Variants in AK9 observed in about 807,000 individuals in gnomAD.
AK9 encodes adenylate kinase 9.
A neutral mutation model predicts 239.6 loss-of-function variants in AK9; 191 were observed. The ratio of observed to expected loss-of-function variants is 0.80; its 90% CI spans 0.71 to 0.90. The LOEUF is 0.90. Ranked by LOEUF, AK9 falls within the 40% of genes least tolerant of loss-of-function variation. The pLI, the probability that AK9 is intolerant of heterozygous loss-of-function variation, is 0.00. For synonymous variants in AK9, 689 were observed against 721.0 expected (o/e 0.96, Z 0.71); for missense variants, 1,995 against 2,214.7 (o/e 0.90, Z 1.99).
chr6:109,546,063 T>C lies in AK9; in HGVS notation c.3029A>G (p.Gln1010Arg). The change falls in exon 26 of 41, where the codon CAG becomes CGG. Residue 1010 changes from glutamine (Q) to arginine (R), a missense_variant. This residue lies in a region of AK9 where 1,290 missense variants were observed against 1,392.7 expected (regional missense o/e 0.93). Coordinates refer to ENST00000424296, the MANE Select transcript of AK9 (RefSeq NM_001145128.3). ...AAAAATGTTTAATTTTTCTGCCAAC[T>C]GTCTTCCACACATAGTTTTGCCAGA... ...QGSGKTMCGR[Q>R]LAEKLNIFHI... 6.2e-7 allele frequency: 1 copy of C among 1,612,456 alleles called. No homozygotes were observed. Among genetic ancestry groups the C allele is most frequent in the Non-Finnish European group, 8.5e-7 (1 of 1,179,338 alleles).
chr6:109,537,311 C>T (rs1176655833), intron 27 of AK9, among the ~76,000 whole-genome samples: 1 of 152,020 alleles, frequency 6.6e-6, no homozygotes, highest in Non-Finnish European at 1.5e-5. Context: ...AGGGATTCAA[C>T]TTCTTCCTAG....
At chr6:109,589,942 T>G (rs532226853) in intron 17 of AK9, among the ~76,000 whole-genome samples, 100 of 152,312 alleles carry the variant, frequency 6.6e-4, no homozygotes, top group South Asian at 1.2e-3. Context: ...ATTTTCTTTG[T>G]GTATTCGTTC....
chr6:109,688,903 G>A (rs1211880702), intron 1 of AK9, among the ~76,000 whole-genome samples: 1 of 152,152 alleles, frequency 6.6e-6, no homozygotes, highest in Non-Finnish European at 1.5e-5. Context: ...AGATAAGTGG[G>A]ATAGGGGATG....
intron 1 of AK9, among the ~76,000 whole-genome samples, chr6:109,680,540 T>C (rs1772464006): frequency 6.6e-6 from 1 of 152,158 alleles, no homozygotes. Flanking sequence ...TTCAGTACAT[T>C]ATCCAGGATA....
chr6:109,627,497 T>C (rs1205881756), intron 12 of AK9, among the ~76,000 whole-genome samples: 3 of 152,206 alleles, frequency 2.0e-5, no homozygotes, highest in Non-Finnish European at 4.4e-5. Context: ...ACAGTAGGTT[T>C]GTTTATAGCA....
Position 109,573,511 on chromosome 6 carries a change from C to T in AK9, c.2275G>A (p.Asp759Asn), listed in dbSNP as rs112167535. 8.4e-6 allele frequency: 13 copies of T among 1,551,428 alleles called. No individual in the cohort carries two copies. Among genetic ancestry groups the T allele is most frequent in the South Asian group, 7.1e-5 (6 of 84,024 alleles). Reference sequence around the variant, plus strand: ...TCAGGTAACCATGACCCTCGGGTATCGTGAGATGCCTCAGGCTCTTCGTGA... The same window carrying T: ...TCAGGTAACCATGACCCTCGGGTATTGTGAGATGCCTCAGGCTCTTCGTGA... ...EVHEEPEASH[D>N]TRGSWLPEEF... is the part of the protein sequence containing the mutation. The change falls in exon 21 of 41, where the codon GAT (aspartate) becomes AAT (asparagine). Residue 759 changes from aspartate (D) to asparagine (N), a missense_variant. By Grantham distance (23) the Asp-to-Asn change is conservative. Coordinates refer to ENST00000424296, the MANE Select transcript of AK9 (RefSeq NM_001145128.3).
At chr6:109,644,922 C>T (rs913879850) in intron 8 of AK9, among the ~76,000 whole-genome samples, 3 of 152,088 alleles carry the variant, frequency 2.0e-5, no homozygotes, top group African/African-American at 7.2e-5. Context: ...TACTTTGATG[C>T]CTTAATGTTT....
intron 20 of AK9, 149 bp downstream of exon 20, chr6:109,579,401 T>C (rs1435667052): frequency 4.6e-6 from 3 of 656,988 alleles, no homozygotes; most frequent in African/African-American, 3.7e-5. Context: ...AAAGGTACTA[T>C]AAAGACTTCA....
At chr6:109,539,209 G>A (rs1023473660) in intron 27 of AK9, among the ~76,000 whole-genome samples, 19 of 152,150 alleles carry the variant, frequency 1.2e-4, no homozygotes, top group Non-Finnish European at 2.4e-4. Flanking sequence ...TTCCAACTTG[G>A]TTCCATTCTC....
chr6:109,685,509 C>T (rs560095886), intron 1 of AK9, among the ~76,000 whole-genome samples: 11 of 150,940 alleles, frequency 7.3e-5, no homozygotes, highest in Admixed American at 6.6e-4. Context: ...TGTTCTCACT[C>T]ATAAGTGGGA....
rs766929867 is a variant in AK9, at chr6:109,545,848, C to CA, written c.3225+18dup. The CA allele has an allele frequency of 2.1e-5, 33 of 1,576,238 alleles. No individual in the cohort carries two copies. Among genetic ancestry groups the CA allele is most frequent in the African/African-American group, 6.9e-5 (5 of 72,614 alleles). On this transcript the variant is annotated intron_variant, in intron 26 of 40. Transcript: ENST00000424296. ...CAGCAAAAACAAAACAAACAAAAAA[C>CA]AAAAAAAGAGATTACTACCTGCTTT...
chr6:109,669,757 G>T (rs925333177), intron 5 of AK9, among the ~76,000 whole-genome samples: 2 of 152,066 alleles, frequency 1.3e-5, no homozygotes, highest in Non-Finnish European at 2.9e-5. Flanking sequence ...TGGGAATTTG[G>T]GCAAAGATTT....
At position 109,506,617 on chromosome 6, in the gene AK9, T is replaced by C. The variant is rs768085287; in HGVS notation, c.4628+37A>G. On this transcript the variant is annotated intron_variant, in intron 34 of 40. Coordinates refer to ENST00000424296, the MANE Select transcript of AK9 (RefSeq NM_001145128.3). The stretch of plus-strand genomic sequence containing the variant: ...TATCTTTTCCCCCGTATGATTAAAG[T>C]TTATTCCTTTTTTGTTGTCTTCATC... 2.0e-6 allele frequency: 3 copies of C among 1,531,086 alleles called. No homozygotes were observed. In the African/African-American group the frequency reaches 4.1e-5, roughly 21 times the overall value. 94.8% of individuals were successfully genotyped at this position (1,531,086 alleles called of 1,614,324 possible). A position where few individuals can be genotyped will look rare whatever the true frequency, so the allele number is the denominator to read the frequency against.
chr6:109,616,205 G>A (rs1449324460), intron 13 of AK9, among the ~76,000 whole-genome samples: 1 of 152,094 alleles, frequency 6.6e-6, no homozygotes, highest in African/African-American at 2.4e-5. Context: ...TATGTGATTA[G>A]CTCTCTGGAA....
At chr6:109,627,133 C>CTTTTTTT (rs71018357) in intron 12 of AK9, among the ~76,000 whole-genome samples, 13 of 67,316 alleles carry the variant, frequency 1.9e-4, no homozygotes, top group East Asian at 5.2e-4. Context: ...GATGTTTAAG[C>CTTTTTTT]TTTTTTTTTT....
intron 25 of AK9, 38 bp from the exon 26 acceptor site, chr6:109,546,165 G>A (rs778913933): frequency 6.6e-7 from 1 of 1,520,796 alleles, no homozygotes; most frequent in Non-Finnish European, 8.8e-7. Flanking sequence ...GTGGGATAAA[G>A]GGAGAGTGAA....
chr6:109,640,576 AATT>A (rs1410237778), intron 10 of AK9, among the ~76,000 whole-genome samples: 4 of 70,482 alleles, frequency 5.7e-5, no homozygotes, highest in Admixed American at 1.8e-4. Flanking sequence ...ACTCCACCCC[AATT>A]TTTTTTTTTT....
chr6:109,644,766 T>C, intron 8 of AK9, 78 bp from the exon 9 acceptor site: 2 of 1,180,718 alleles, frequency 1.7e-6, no homozygotes, highest in Non-Finnish European at 2.4e-6. Context: ...CTTAATATAC[T>C]GTGCAGATAT....
chr6:109,615,258 CTTTTTT>C (rs5879032), intron 13 of AK9, among the ~76,000 whole-genome samples: 1 of 139,294 alleles, frequency 7.2e-6, no homozygotes, highest in East Asian at 2.1e-4. Context: ...GTTCCCTTGG[CTTTTTT>C]TTTTTTTTGC....
Sources: allele counts gnomAD v4.1 joint callset (sites outside exome capture counted in the v4.1 genomes callset), GRCh38; gene constraint gnomAD v4.1.1; regional missense constraint gnomAD v4.1.1; transcripts MANE v1.5; gene names NCBI Gene and HGNC (gene_info 2026-07-23, HGNC 2026-07-21).